MARCHF6: variants seen among roughly 807,000 people sequenced by gnomAD.
MARCHF6 encodes the protein E3 ubiquitin-protein ligase MARCHF6.
MARCHF6 carries 31 observed loss-of-function variants against 133.7 expected under a neutral mutation model. The observed-to-expected ratio is 0.23, with a 90% CI of 0.17 to 0.31. MARCHF6 has a LOEUF of 0.31. Ranked by LOEUF, MARCHF6 falls within the 10% of genes least tolerant of loss-of-function variation. The pLI, the probability that MARCHF6 is intolerant of heterozygous loss-of-function variation, is 1.00. For missense variants in MARCHF6, 723 were observed against 1,121.6 expected, an observed-to-expected ratio of 0.64 and a Z score of 5.08; for synonymous variants, 395 against 402.5, an observed-to-expected ratio of 0.98 and a Z score of 0.22.
intron 6 of MARCHF6, 93 bp from the exon 7 acceptor site, chr5:10,391,449 T>TTG: frequency 3.7e-6 from 2 of 537,694 alleles, no homozygotes; most frequent in African/African-American, 4.2e-5. Context: ...TTTTTTTTTT[T>TTG]TTTTTTTTTT....
chr5:10,354,442 C>A, intron 1 of MARCHF6, among the ~76,000 whole-genome samples: 1 of 152,176 alleles, frequency 6.6e-6, no homozygotes, highest in East Asian at 1.9e-4. Context: ...TGGTCCTCGG[C>A]TTGCCTGCCG....
chr5:10,382,992 A>G (rs1442612547), intron 4 of MARCHF6, among the ~76,000 whole-genome samples: 1 of 152,170 alleles, frequency 6.6e-6, no homozygotes, highest in South Asian at 2.1e-4. Flanking sequence ...TCTTATAGAC[A>G]TGGAGAGAAG....
At chr5:10,356,680 G>GCTAC (rs917664243) in intron 1 of MARCHF6, among the ~76,000 whole-genome samples, 1 of 152,136 alleles carries the variant, frequency 6.6e-6, no homozygotes, top group African/African-American at 2.4e-5. Context: ...ACGAGCGTGA[G>GCTAC]CTACCGTTCC....
At chr5:10,419,825 AT>A (rs922716394) in intron 22 of MARCHF6, among the ~76,000 whole-genome samples, 1 of 152,210 alleles carries the variant, frequency 6.6e-6, no homozygotes, top group African/African-American at 2.4e-5. Context: ...TAAAACAACC[AT>A]TTTAATTTTG....
chr5:10,358,708 T>A (rs768027080), intron 1 of MARCHF6, among the ~76,000 whole-genome samples: 7 of 152,174 alleles, frequency 4.6e-5, no homozygotes, highest in Non-Finnish European at 5.9e-5. Context: ...TTGCAGCAAT[T>A]TGAAAAAACT....
chr5:10,377,600 C>T (rs901787812), intron 1 of MARCHF6, among the ~76,000 whole-genome samples, 198 bp from the exon 2 acceptor site: 1 of 152,140 alleles, frequency 6.6e-6, no homozygotes. Context: ...ACTTTTAATA[C>T]ATTATTTAGG....
At chr5:10,403,380 T>G in intron 14 of MARCHF6, 27 bp from the exon 15 acceptor site, 1 of 1,599,096 alleles carries the variant, frequency 6.3e-7, no homozygotes. Context: ...GGCACAGATT[T>G]CTCTTACCTG....
In MARCHF6 at chr5:10,386,977, A is replaced by G; in HGVS notation, c.335-17A>G. On this transcript the variant is annotated splice_polypyrimidine_tract_variant and intron_variant, in intron 4 of 25. Coordinates refer to ENST00000274140, the MANE Select transcript of MARCHF6 (RefSeq NM_005885.4). Reference sequence around the variant, plus strand: ...ATGCGAGTTGTGACTGTGTGCCATCATGCTCTTTTTCGGTAGGCCGCATCT... The same window carrying G: ...ATGCGAGTTGTGACTGTGTGCCATCGTGCTCTTTTTCGGTAGGCCGCATCT... 1 of 1,608,750 alleles carries G rather than the reference A, an allele frequency of 6.2e-7. No individual in the cohort carries two copies. Among genetic ancestry groups the G allele is most frequent in the Non-Finnish European group, 8.5e-7 (1 of 1,175,226 alleles).
intron 17 of MARCHF6, among the ~76,000 whole-genome samples, 181 bp downstream of exon 17, chr5:10,407,383 T>A (rs533566861): frequency 6.6e-6 from 1 of 152,286 alleles, no homozygotes; most frequent in South Asian, 2.1e-4. Context: ...GTTTAAAAAA[T>A]TTTCTGGACC....
intron 6 of MARCHF6, 85 bp downstream of exon 6, chr5:10,390,585 C>T: frequency 1.6e-6 from 2 of 1,244,102 alleles, no homozygotes; most frequent in Non-Finnish European, 2.2e-6. Flanking sequence ...TCTTGACTTC[C>T]ATGTCCCTCA....
intron 22 of MARCHF6, among the ~76,000 whole-genome samples, chr5:10,423,522 A>G (rs1398888249): frequency 6.6e-6 from 1 of 152,266 alleles, no homozygotes; most frequent in Non-Finnish European, 1.5e-5. Flanking sequence ...TTTAAAAGAT[A>G]GAAGAACAAT....
At chr5:10,386,057 C>T (rs1299403328) in intron 4 of MARCHF6, among the ~76,000 whole-genome samples, 2 of 151,720 alleles carry the variant, frequency 1.3e-5, no homozygotes, top group African/African-American at 2.4e-5. Flanking sequence ...ACACAGCACT[C>T]TGTAGTAAGA....
At chr5:10,358,495 G>A (rs1735616745) in intron 1 of MARCHF6, among the ~76,000 whole-genome samples, 1 of 152,092 alleles carries the variant, frequency 6.6e-6, no homozygotes, top group Non-Finnish European at 1.5e-5. Context: ...TACTGAACAT[G>A]TACAGCCTTT....
At chr5:10,387,372 G>A (rs935836114) in intron 5 of MARCHF6, among the ~76,000 whole-genome samples, 16 of 150,192 alleles carry the variant, frequency 1.1e-4, no homozygotes, top group Admixed American at 5.3e-4. Flanking sequence ...GTGCGATCTC[G>A]GCTCACTGCA....
chr5:10,388,527 T>A (rs1160783222), intron 5 of MARCHF6, among the ~76,000 whole-genome samples: 1 of 152,212 alleles, frequency 6.6e-6, no homozygotes, highest in Non-Finnish European at 1.5e-5. Flanking sequence ...TTTATTTGCT[T>A]ATAATTCTGG....
chr5:10,387,405 C>T (rs2934220), intron 5 of MARCHF6, among the ~76,000 whole-genome samples: 27,627 of 151,248 alleles, frequency 0.18, 3,735 homozygotes, highest in East Asian at 0.67. Context: ...TGAGTTCAAG[C>T]GATTCTCTTG....
Position 10,404,031 on chromosome 5 carries a change from CTTTATTTATTTATTTA to C in MARCHF6, c.1332+523_1332+538del, listed in dbSNP as rs36021721. Among the ~76,000 whole-genome samples, 285 of 143,442 alleles carry C rather than the reference CTTTATTTATTTATTTA, an allele frequency of 2.0e-3. 3 individuals are homozygous for C. The highest frequency in any genetic ancestry group is 0.019 in the East Asian group (94 of 4,830). The allele number at this position is 143,442 out of a possible 152,430, so 94.1% of individuals were successfully genotyped here. A position where few individuals can be genotyped will look rare whatever the true frequency, so the allele number is the denominator to read the frequency against. The stretch of plus-strand genomic sequence containing the variant: ...CCAGTTCACTGGCCTGATGGATTAC[CTTTATTTATTTATTTA>C]TTTATTTATTTATTTATTTATTTAT... On this transcript the variant is annotated intron_variant, in intron 15 of 25. Transcript: ENST00000274140.
chr5:10,389,918 G>A (rs1268126762), intron 5 of MARCHF6, among the ~76,000 whole-genome samples: 3 of 152,178 alleles, frequency 2.0e-5, no homozygotes, highest in Non-Finnish European at 2.9e-5. Context: ...GAAACTCTTA[G>A]AGTTGGACAG....
chr5:10,393,020 C>T (rs977364738), intron 7 of MARCHF6, among the ~76,000 whole-genome samples: 2 of 152,086 alleles, frequency 1.3e-5, no homozygotes, highest in South Asian at 2.1e-4. Flanking sequence ...GAGTGTTGTG[C>T]GGGTTGCTCT....
Sources: gnomAD v4.1 joint callset for allele counts (sites outside exome capture counted in the v4.1 genomes callset) on GRCh38, gnomAD v4.1.1 for gene constraint, MANE v1.5 for transcripts, NCBI Gene and HGNC (gene_info 2026-07-23, HGNC 2026-07-21) for gene names.